Variants in WHAMM observed in about 807,000 individuals in gnomAD.
WHAMM encodes the protein WASP homolog associated with actin, golgi membranes and microtubules, also known as WASP homolog-associated protein with actin, membranes and microtubules.
A neutral mutation model predicts 76.5 loss-of-function variants in WHAMM; 67 were observed. The observed-to-expected ratio is 0.88, with a 90% CI of 0.72 to 1.07. The LOEUF is 1.07. Ranked by LOEUF, WHAMM falls within the 50% of genes least tolerant of loss-of-function variation. The pLI is 0.00. For synonymous variants in WHAMM, 419 were observed against 422.1 expected (o/e 0.99, Z 0.09); for missense variants, 1,021 against 1,051.1 (o/e 0.97, Z 0.40).
At position 82,814,511 on chromosome 15, in the gene WHAMM, C is replaced by T. The variant is rs575435463; in HGVS notation, c.783+1235C>T. Among the ~76,000 whole-genome samples the T allele has an allele frequency of 7.8e-4, 118 of 150,394 alleles. 1 individual carries two copies. Among genetic ancestry groups the T allele is most frequent in the Admixed American group, 1.7e-3 (26 of 15,162 alleles). On this transcript the variant is annotated intron_variant, in intron 2 of 9. Transcript: ENST00000286760. ...TGTTACCTAGGCTGGAGTGCAGTGG[C>T]GCAGTCTCAGCTCATCGCAACCTCT...
At chr15:82,813,434 T>C (rs1045621238) in intron 2 of WHAMM, among the ~76,000 whole-genome samples, 158 bp downstream of exon 2, 2 of 152,196 alleles carry the variant, frequency 1.3e-5, no homozygotes, top group Non-Finnish European at 2.9e-5. Flanking sequence ...GGTTTTGCCA[T>C]GTTGCTCAGG....
Position 82,818,004 on chromosome 15 carries a change from A to G in WHAMM, c.1019A>G (p.Gln340Arg), listed in dbSNP as rs1384805790. 6 of 1,549,124 alleles carry G rather than the reference A, an allele frequency of 3.9e-6. No homozygotes were observed. Among genetic ancestry groups the G allele is most frequent in the Non-Finnish European group, 5.2e-6 (6 of 1,146,418 alleles). Residue 340 changes from glutamine (Q) to arginine (R), a missense_variant, in exon 4 of 10, where the codon CAG becomes CGG. By Grantham distance (43) the Gln-to-Arg change is conservative. Coordinates refer to ENST00000286760, the MANE Select transcript of WHAMM (RefSeq NM_001080435.3). ...ATAIPRLEKL[Q>R]LMLARETLQL... ...GCAATTCCCAGGTTGGAAAAACTTC[A>G]GCTAATGCTAGCTCGAGAGACTCTG... is the stretch of plus-strand genomic sequence containing the variant.
chr15:82,830,836 CA>C lies in WHAMM; in HGVS notation c.1882del (p.Thr628HisfsTer47), dbSNP rs765564007. 6.3e-7 allele frequency: 1 copy of C among 1,597,102 alleles called. No individual in the cohort carries two copies. The highest frequency in any genetic ancestry group is 1.3e-5 in the African/African-American group (1 of 74,624). ...PVQVFVPVGD[Q>X]THSKSSEELS... ...CCAGGTTTTTGTTCCAGTTGGTGAT[CA>C]AACACATTCCAAATCCAGTGAGGAA... is the stretch of plus-strand genomic sequence containing the variant. On this transcript the variant is annotated frameshift_variant, in exon 9 of 10. Transcript: ENST00000286760. LOFTEE classifies it high-confidence loss of function.
Position 82,833,639 on chromosome 15 carries a change from C to T in WHAMM, c.*103C>T. The T allele has an allele frequency of 1.6e-6, 2 of 1,253,988 alleles. No homozygotes were observed. Among genetic ancestry groups the T allele is most frequent in the Non-Finnish European group, 2.2e-6 (2 of 915,770 alleles). 77.7% of individuals were successfully genotyped at this position (1,253,988 alleles called of 1,614,324 possible). ...TAACAGGGTGCTGATAGATGGGCCACATAACACCCCGGAAGATCAGCAGGG... is the reference window on the plus strand; with the variant it reads ...TAACAGGGTGCTGATAGATGGGCCATATAACACCCCGGAAGATCAGCAGGG... On this transcript the variant is annotated 3_prime_UTR_variant, in exon 10 of 10. Transcript: ENST00000286760.
Position 82,833,233 on chromosome 15 carries a change from TATGG to T in WHAMM, c.2131_2134del (p.Asp711LysfsTer6), listed in dbSNP as rs751956562. ...GCTCTGCTTATTCAATTTCAGGATCTATGGATGAAGTGTTGGCCTCCTTAAGGCA... is the reference window on the plus strand; with the variant it reads ...GCTCTGCTTATTCAATTTCAGGATCTATGAAGTGTTGGCCTCCTTAAGGCA... On this transcript the variant is annotated frameshift_variant, in exon 10 of 10. Transcript: ENST00000286760. LOFTEE classifies it low-confidence loss of function (END_TRUNC). The T allele has an allele frequency of 2.5e-6, 4 of 1,613,342 alleles. No homozygotes were observed. The African/African-American group carries it at 5.3e-5, about 21-fold the overall frequency.
intron 6 of WHAMM, among the ~76,000 whole-genome samples, chr15:82,823,804 G>A (rs553058577): frequency 2.0e-4 from 31 of 152,262 alleles, no homozygotes; most frequent in African/African-American, 7.2e-4. Flanking sequence ...GACCTCAAGT[G>A]ATCCGCCCAC....
At chr15:82,825,360 A>T (rs969412248) in intron 6 of WHAMM, among the ~76,000 whole-genome samples, 2 of 151,574 alleles carry the variant, frequency 1.3e-5, no homozygotes, top group Admixed American at 6.6e-5. Flanking sequence ...AGTGTTTTTT[A>T]TATATATATA....
In WHAMM at chr15:82,823,186, G is replaced by A; in HGVS notation, c.1357G>A (p.Asp453Asn). The change falls in exon 6 of 10, where the codon GAT (aspartate) becomes AAT (asparagine). Residue 453 changes from aspartate (D) to asparagine (N), a missense_variant. Physicochemically the swap from Asp to Asn is conservative, Grantham distance 23 (BLOSUM62 1). Transcript: ENST00000286760. ...VIDCVVGLQD[D>N]KNLEVKELRR... ...TGACTGTGTGGTGGGGCTGCAGGAT[G>A]ATAAGAATTTGGAAGTGAAAGAACT... 3.2e-6 allele frequency: 5 copies of A among 1,581,054 alleles called. No homozygotes were observed. In the South Asian group the frequency reaches 4.7e-5, roughly 15 times the overall value.
Position 82,812,396 on chromosome 15 carries a change from T to A in WHAMM, c.610-707T>A, listed in dbSNP as rs1186375434. Among the ~76,000 whole-genome samples, 4 of 152,106 alleles carry A rather than the reference T, an allele frequency of 2.6e-5. No homozygotes were observed. In the East Asian group the frequency reaches 7.8e-4, roughly 30 times the overall value. ...GGCGCCCGCCACCACGCCCGGCTAA[T>A]CTTTTGTATTTTTAGTACAGACAGG... On this transcript the variant is annotated intron_variant, in intron 1 of 9. Coordinates refer to ENST00000286760, the MANE Select transcript of WHAMM (RefSeq NM_001080435.3).
intron 2 of WHAMM, 143 bp downstream of exon 2, chr15:82,813,419 G>C: frequency 1.1e-6 from 1 of 936,846 alleles, no homozygotes; most frequent in Non-Finnish European, 1.5e-6. Flanking sequence ...TATTGATAGA[G>C]ATGAGGTTTT....
intron 8 of WHAMM, among the ~76,000 whole-genome samples, chr15:82,827,050 T>C (rs1328733176): frequency 3.3e-5 from 5 of 152,212 alleles, no homozygotes; most frequent in Non-Finnish European, 7.3e-5. Flanking sequence ...AAATAACTGC[T>C]GTTTTTGACA....
intron 5 of WHAMM, among the ~76,000 whole-genome samples, chr15:82,819,899 G>A (rs1187839849): frequency 5.3e-5 from 8 of 152,130 alleles, no homozygotes; most frequent in Admixed American, 5.2e-4. Flanking sequence ...GCACGTGCCT[G>A]TAATCCCAGC....
Position 82,809,874 on chromosome 15 carries a change from G to C in WHAMM, c.148G>C (p.Ala50Pro), listed in dbSNP as rs763458110. Reference sequence around the variant, plus strand: ...CGCTGTGACTTGTCACGACCGTACCGCGCAGCAGCGGCGGCTGCGCGAGGG... The same window carrying C: ...CGCTGTGACTTGTCACGACCGTACCCCGCAGCAGCGGCGGCTGCGCGAGGG... Reference protein sequence around the residue: ...KFAVTCHDRTAQQRRLREGAR... With the variant: ...KFAVTCHDRTPQQRRLREGAR... Residue 50 changes from alanine (A) to proline (P), a missense_variant, in exon 1 of 10, where the codon GCG (alanine) becomes CCG (proline). Around this residue, in one of 3 missense-constraint regions of WHAMM, gnomAD observed 501 missense variants for 524.9 expected, o/e 0.95. Coordinates refer to ENST00000286760, the MANE Select transcript of WHAMM (RefSeq NM_001080435.3). The C allele has an allele frequency of 2.6e-5, 40 of 1,567,226 alleles. No homozygotes were observed. Among genetic ancestry groups the C allele is most frequent in the Non-Finnish European group, 3.5e-5 (40 of 1,155,360 alleles).
intron 9 of WHAMM, among the ~76,000 whole-genome samples, chr15:82,831,356 G>T (rs1351201246): frequency 6.6e-6 from 1 of 152,146 alleles, no homozygotes; most frequent in African/African-American, 2.4e-5. Flanking sequence ...GGTTGTTAAA[G>T]TATCAACCTA....
chr15:82,819,316 A>G lies in WHAMM; in HGVS notation c.1105-7A>G. 1.9e-6 allele frequency: 2 copies of G among 1,049,986 alleles called. No individual in the cohort carries two copies. The highest frequency in any genetic ancestry group is 2.6e-6 in the Non-Finnish European group (2 of 777,706). The allele number at this position is 1,049,986 out of a possible 1,614,324, so 65.0% of individuals were successfully genotyped here. A position where few individuals can be genotyped will look rare whatever the true frequency, so the allele number is the denominator to read the frequency against. On this transcript the variant is annotated splice_polypyrimidine_tract_variant and splice_region_variant and intron_variant, in intron 4 of 9. Transcript: ENST00000286760. ...TAACTTATTTTTCTTTTTTCTATGA[A>G]AATAAGATGGAAGATCTTCCAGAAC...
chr15:82,824,754 C>T (rs183368668), intron 6 of WHAMM, among the ~76,000 whole-genome samples: 4 of 152,384 alleles, frequency 2.6e-5, no homozygotes, highest in Middle Eastern at 3.4e-3. Context: ...GCGTGAGCCA[C>T]TGTGCCCAGC....
In WHAMM at chr15:82,833,259, G is replaced by A. The variant is rs1306751840; in HGVS notation, c.2153G>A (p.Arg718Lys). ...ATGGATGAAGTGTTGGCCTCCTTAAGGCATGGCAGAGCTCCTCTCCGGAAG... is the reference window on the plus strand; with the variant it reads ...ATGGATGAAGTGTTGGCCTCCTTAAAGCATGGCAGAGCTCCTCTCCGGAAG... ...GSMDEVLASL[R>K]HGRAPLRKVE... Residue 718 changes from arginine (R) to lysine (K), a missense_variant, in exon 10 of 10, where the codon AGG becomes AAG. Physicochemically the swap from Arg to Lys is conservative, Grantham distance 26. Transcript: ENST00000286760. The A allele has an allele frequency of 1.1e-5, 18 of 1,613,862 alleles. No individual in the cohort carries two copies. The highest frequency in any genetic ancestry group is 1.4e-5 in the Non-Finnish European group (16 of 1,179,886).
rs1392996175 is a variant in WHAMM at position 82,835,587 on chromosome 15, T to C, written c.*2051T>C. 3.9e-5 allele frequency: 6 copies of C among 152,524 alleles called. No individual in the cohort carries two copies. Among genetic ancestry groups the C allele is most frequent in the Non-Finnish European group, 8.8e-5 (6 of 68,246 alleles). 9.4% of individuals were successfully genotyped at this position (152,524 alleles called of 1,614,324 possible). On this transcript the variant is annotated 3_prime_UTR_variant, in exon 10 of 10. Coordinates refer to ENST00000286760, the MANE Select transcript of WHAMM (RefSeq NM_001080435.3). Reference sequence around the variant, plus strand: ...TGCCAGGTTGCCCACGGGTCTGTCATGTGTGCTACCTTTTCAGAATGCAAA... The same window carrying C: ...TGCCAGGTTGCCCACGGGTCTGTCACGTGTGCTACCTTTTCAGAATGCAAA...
chr15:82,810,045 C>G lies in WHAMM; in HGVS notation c.319C>G (p.Arg107Gly), dbSNP rs1252908414. 1.6e-6 allele frequency: 2 copies of G among 1,215,466 alleles called. No homozygotes were observed. Among genetic ancestry groups the G allele is most frequent in the Non-Finnish European group, 2.0e-6 (2 of 981,044 alleles). The allele number at this position is 1,215,466 out of a possible 1,614,324, so 75.3% of individuals were successfully genotyped here. ...LWPPLERCFP[R>G]LPPELDVGGG... is the part of the protein sequence containing the mutation. ...GCCGCCTCTGGAGCGCTGCTTCCCG[C>G]GGCTGCCGCCGGAGCTGGACGTGGG... Residue 107 changes from arginine (R) to glycine (G), a missense_variant, in exon 1 of 10, where the codon CGG becomes GGG. Around this residue, in one of 3 missense-constraint regions of WHAMM, gnomAD observed 501 missense variants for 524.9 expected, o/e 0.95. Coordinates refer to ENST00000286760, the MANE Select transcript of WHAMM (RefSeq NM_001080435.3).
Sources: gnomAD v4.1 joint callset for allele counts (sites outside exome capture counted in the v4.1 genomes callset) on GRCh38, gnomAD v4.1.1 for gene constraint, gnomAD v4.1.1 regional missense constraint, MANE v1.5 for transcripts, NCBI Gene and HGNC (gene_info 2026-07-23, HGNC 2026-07-21) for gene names.